CA10: variants seen among roughly 807,000 people sequenced by gnomAD.
CA10 encodes the protein carbonic anhydrase-related protein 10.
A neutral mutation model predicts 44.2 loss-of-function variants in CA10; 14 were observed. The observed-to-expected ratio is 0.32, with a 90% CI of 0.21 to 0.50. The LOEUF is 0.50. CA10 is among the 20% of genes least tolerant of loss of function. The pLI is 0.99. For synonymous variants in CA10, 159 were observed against 141.6 expected, an observed-to-expected ratio of 1.12 and a Z score of -0.87; for missense variants, 350 against 409.7, an observed-to-expected ratio of 0.85 and a Z score of 1.26.
In CA10 at chr17:52,157,837, G is replaced by T. The variant is rs763876734; in HGVS notation, c.-51C>A. 1 of 1,465,680 alleles carries T rather than the reference G, an allele frequency of 6.8e-7. No individual in the cohort carries two copies. Among genetic ancestry groups the T allele is most frequent in the Non-Finnish European group, 9.6e-7 (1 of 1,044,636 alleles). 90.8% of individuals were successfully genotyped at this position (1,465,680 alleles called of 1,614,324 possible). On this transcript the variant is annotated 5_prime_UTR_variant, in exon 1 of 9. Transcript: ENST00000451037. ...CACTCGACGGGAAAACGGGGGGAAG[G>T]GGGGAGCCCGACACGGCACACACAC...
At chr17:51,821,879 C>T (rs1397850583) in intron 3 of CA10, among the ~76,000 whole-genome samples, 1 of 152,154 alleles carries the variant, frequency 6.6e-6, no homozygotes, top group Non-Finnish European at 1.5e-5. Flanking sequence ...TGGCAATTGG[C>T]TCTAGATTCT....
chr17:51,873,143 C>A (rs1979894413), intron 3 of CA10, among the ~76,000 whole-genome samples: 1 of 151,884 alleles, frequency 6.6e-6, no homozygotes, highest in Admixed American at 6.5e-5. Context: ...GTTTTTTTTC[C>A]CTCACCTGCA....
intron 3 of CA10, among the ~76,000 whole-genome samples, chr17:51,884,755 G>A (rs1442295244): frequency 2.0e-5 from 3 of 152,184 alleles, no homozygotes; most frequent in African/African-American, 7.2e-5. Context: ...TGAAATCAAG[G>A]TGCTGGCATG....
intron 2 of CA10, among the ~76,000 whole-genome samples, chr17:52,001,717 G>A (rs1598160661): frequency 6.6e-6 from 1 of 151,938 alleles, no homozygotes. Flanking sequence ...TAGGCCATGA[G>A]GCAGCCCAAC....
At chr17:51,777,159 G>C (rs1389707313) in intron 3 of CA10, among the ~76,000 whole-genome samples, 1 of 152,204 alleles carries the variant, frequency 6.6e-6, no homozygotes, top group Non-Finnish European at 1.5e-5. Flanking sequence ...AATAGTAGTA[G>C]CATTTACTGC....
intron 3 of CA10, among the ~76,000 whole-genome samples, chr17:51,828,810 C>T (rs1325526054): frequency 1.3e-5 from 2 of 152,158 alleles, no homozygotes; most frequent in Non-Finnish European, 2.9e-5. Flanking sequence ...TACTGGTAAA[C>T]ATTTATGTTG....
chr17:51,656,902 A>C lies in CA10; in HGVS notation c.466-3166T>G, dbSNP rs189555819. ...TCTCCACTTCAATTTGGGTGGGTTA[A>C]GGAGCACATGCATCACCTATGTTGG... On this transcript the variant is annotated intron_variant, in intron 4 of 8. Coordinates refer to ENST00000451037, the MANE Select transcript of CA10 (RefSeq NM_020178.5). 1.8e-3 allele frequency among the ~76,000 whole-genome samples: 273 copies of C among 152,336 alleles called. 1 individual carries two copies. The highest frequency in any genetic ancestry group is 6.8e-3 in the Middle Eastern group (2 of 294).
chr17:51,780,809 G>A (rs1906027616), intron 3 of CA10, among the ~76,000 whole-genome samples: 1 of 152,192 alleles, frequency 6.6e-6, no homozygotes, highest in Non-Finnish European at 1.5e-5. Context: ...CAAGAGCCTG[G>A]AGGTTTCGAA....
intron 1 of CA10, among the ~76,000 whole-genome samples, chr17:52,117,552 G>T (rs1190267984): frequency 2.0e-5 from 3 of 152,090 alleles, no homozygotes; most frequent in African/African-American, 7.2e-5. Context: ...TTATATATGT[G>T]TTGTGTGTGA....
intron 3 of CA10, among the ~76,000 whole-genome samples, chr17:51,841,111 T>C (rs897307827): frequency 6.6e-6 from 1 of 152,146 alleles, no homozygotes; most frequent in Non-Finnish European, 1.5e-5. Context: ...CCAAGTCCCT[T>C]TTGTTTACCC....
chr17:51,675,356 T>C (rs1238503090), intron 4 of CA10, among the ~76,000 whole-genome samples: 1 of 152,028 alleles, frequency 6.6e-6, no homozygotes, highest in Non-Finnish European at 1.5e-5. Flanking sequence ...GGTCAGGAGT[T>C]TGAGACCAGC....
chr17:51,830,195 C>CAAA lies in CA10; in HGVS notation c.280-82380_280-82378dup, dbSNP rs1220410518. Among the ~76,000 whole-genome samples, 215 of 89,888 alleles carry CAAA rather than the reference C, an allele frequency of 2.4e-3. 2 individuals carry two copies. The highest frequency in any genetic ancestry group is 6.9e-3 in the African/African-American group (144 of 20,806). 59.0% of individuals were successfully genotyped at this position (89,888 alleles called of 152,430 possible). A position where few individuals can be genotyped will look rare whatever the true frequency, so the allele number is the denominator to read the frequency against. ...CTGGCAACAGAGCAAGACTCCATCTCAAAAAAAAAAAAAAAAAAAAAGAAA... is the reference window on the plus strand; with the variant it reads ...CTGGCAACAGAGCAAGACTCCATCTCAAAAAAAAAAAAAAAAAAAAAAAAGAAA... On this transcript the variant is annotated intron_variant, in intron 3 of 8. Coordinates refer to ENST00000451037, the MANE Select transcript of CA10 (RefSeq NM_020178.5).
chr17:51,824,290 C>T (rs2143770227), intron 3 of CA10, among the ~76,000 whole-genome samples: 1 of 152,258 alleles, frequency 6.6e-6, no homozygotes, highest in East Asian at 1.9e-4. Flanking sequence ...AAGCTTGTGC[C>T]AGATGAGTTC....
intron 5 of CA10, among the ~76,000 whole-genome samples, chr17:51,653,330 T>A (rs1304473127): frequency 1.3e-5 from 2 of 152,198 alleles, no homozygotes; most frequent in African/African-American, 4.8e-5. Context: ...TAGTATTATA[T>A]CCTTCTGATT....
At chr17:51,802,584 A>C (rs949534018) in intron 3 of CA10, among the ~76,000 whole-genome samples, 3 of 151,582 alleles carry the variant, frequency 2.0e-5, no homozygotes, top group African/African-American at 7.3e-5. Context: ...AAAAAAAAAA[A>C]AAAACAACCA....
At chr17:51,750,057 AT>A (rs1241745516) in intron 3 of CA10, among the ~76,000 whole-genome samples, 2 of 152,172 alleles carry the variant, frequency 1.3e-5, no homozygotes, top group African/African-American at 4.8e-5. Flanking sequence ...AGAACTTTTC[AT>A]TTCCCATAAC....
chr17:51,925,911 G>A (rs989411635), intron 3 of CA10, among the ~76,000 whole-genome samples: 1 of 152,072 alleles, frequency 6.6e-6, no homozygotes, highest in Non-Finnish European at 1.5e-5. Flanking sequence ...ACAGAACGTA[G>A]GACAGAGGTT....
intron 4 of CA10, among the ~76,000 whole-genome samples, chr17:51,716,782 C>G (rs1010859616): frequency 6.6e-5 from 10 of 152,114 alleles, no homozygotes; most frequent in African/African-American, 2.4e-4. Context: ...CTTTATGCAC[C>G]CTTCAATCTT....
chr17:51,875,274 G>T (rs1489004713), intron 3 of CA10, among the ~76,000 whole-genome samples: 1 of 152,138 alleles, frequency 6.6e-6, no homozygotes. Flanking sequence ...GCCTTCCAAA[G>T]TGCTGGGATT....
Sources: allele counts gnomAD v4.1 joint callset (sites outside exome capture counted in the v4.1 genomes callset), GRCh38; gene constraint gnomAD v4.1.1; transcripts MANE v1.5; gene names NCBI Gene and HGNC (gene_info 2026-07-23, HGNC 2026-07-21).